The following LAMA2 variants were observed in gnomAD, a reference collection of about 807,000 sequenced individuals.
LAMA2 encodes the protein laminin subunit alpha-2.
LAMA2 carries 269 observed loss-of-function variants against 364.8 expected under a neutral mutation model. The observed-to-expected ratio is 0.74, with a 90% confidence interval of 0.67 to 0.82. The LOEUF is 0.82. Ranked by LOEUF, LAMA2 falls within the 40% of genes least tolerant of loss-of-function variation. The probability of loss-of-function intolerance (pLI) is 0.00; values close to 1 mark genes in which losing one functional copy is unlikely to be tolerated. For synonymous variants in LAMA2, 1,379 were observed against 1,370.6 expected (o/e 1.01, Z -0.14); for missense variants, 3,807 against 3,873.2 (o/e 0.98, Z 0.45).
chr6:128,921,645 C>T (rs1778720314), intron 1 of LAMA2, among the ~76,000 whole-genome samples: 1 of 150,310 alleles, frequency 6.7e-6, no homozygotes, highest in African/African-American at 2.4e-5. Context: ...ACCAACTAGG[C>T]TGACATTTTG....
intron 1 of LAMA2, among the ~76,000 whole-genome samples, chr6:128,935,144 A>G (rs1187498999): frequency 5.3e-5 from 8 of 152,108 alleles, no homozygotes; most frequent in African/African-American, 1.9e-4. Flanking sequence ...TACATGTGCC[A>G]TGTTGGTTTG....
rs370168820 is a variant in LAMA2 at position 129,267,061 on chromosome 6, T to A, written c.2209-45T>A. The A allele has an allele frequency of 3.2e-5, 39 of 1,231,892 alleles. No individual in the cohort carries two copies. The African/African-American group carries it at 5.6e-4, about 18-fold the overall frequency. 76.3% of individuals were successfully genotyped at this position (1,231,892 alleles called of 1,614,324 possible). A position where few individuals can be genotyped will look rare whatever the true frequency, so the allele number is the denominator to read the frequency against. ...AACACAAACAAACAAAAACACCTTT[T>A]TGTTTTAATCTCCAAGACTGACTAA... On this transcript the variant is annotated intron_variant, in intron 15 of 64. Coordinates refer to ENST00000421865, the MANE Select transcript of LAMA2 (RefSeq NM_000426.4).
intron 3 of LAMA2, among the ~76,000 whole-genome samples, chr6:129,080,689 A>T (rs1338494524): frequency 6.6e-6 from 1 of 152,114 alleles, no homozygotes; most frequent in Non-Finnish European, 1.5e-5. Context: ...AAAACCACAA[A>T]GAGATACCAT....
In LAMA2 at chr6:129,315,891, AGGCATAT is replaced by A; in HGVS notation, c.3869_3875del (p.His1290LeufsTer4). 6.2e-7 allele frequency: 1 copy of A among 1,614,152 alleles called. No individual in the cohort carries two copies. The highest frequency in any genetic ancestry group is 8.5e-7 in the Non-Finnish European group (1 of 1,180,026). On this transcript the variant is annotated frameshift_variant, in exon 26 of 65. Transcript: ENST00000421865. LOFTEE classifies it high-confidence loss of function. ...ACCTACTCATGCTAGAATTATCGTCAGGCATATGGCTGCTCCTCTGATTGGCCAATTG... is the reference window on the plus strand; with the variant it reads ...ACCTACTCATGCTAGAATTATCGTCAGGCTGCTCCTCTGATTGGCCAATTG...
At chr6:129,399,303 A>G (rs913598211) in intron 37 of LAMA2, among the ~76,000 whole-genome samples, 1 of 152,202 alleles carries the variant, frequency 6.6e-6, no homozygotes, top group Non-Finnish European at 1.5e-5. Context: ...GCAGTGTTCT[A>G]AGCTAATTCT....
intron 17 of LAMA2, among the ~76,000 whole-genome samples, chr6:129,272,956 C>A (rs1307222156): frequency 1.3e-5 from 2 of 152,082 alleles, no homozygotes; most frequent in Non-Finnish European, 2.9e-5. Flanking sequence ...GTACCTGGTG[C>A]CAAAAATTTT....
rs191399258 is a variant in LAMA2 at position 129,259,715 on chromosome 6, C to T, written c.2097-996C>T. Among the ~76,000 whole-genome samples, 86 of 152,050 alleles carry T rather than the reference C, an allele frequency of 5.7e-4. 1 individual carries two copies. The highest frequency in any genetic ancestry group is 2.0e-3 in the African/African-American group (84 of 41,516). ...CATATTATACCAAGAAGTTTATATT[C>T]ATTTCCTTTTAAATCAAGCTCATGG... On this transcript the variant is annotated intron_variant, in intron 14 of 64. Transcript: ENST00000421865.
chr6:129,262,061 C>T (rs1416518980), intron 15 of LAMA2, among the ~76,000 whole-genome samples: 3 of 152,060 alleles, frequency 2.0e-5, no homozygotes, highest in South Asian at 4.1e-4. Flanking sequence ...TTTCCACATA[C>T]TTTGTTCTCA....
chr6:129,449,757 T>C (rs1453350056), intron 45 of LAMA2, among the ~76,000 whole-genome samples: 8 of 151,942 alleles, frequency 5.3e-5, no homozygotes, highest in African/African-American at 1.9e-4. Context: ...CTTGGAGTTC[T>C]CAGAGCAGTT....
intron 12 of LAMA2, among the ~76,000 whole-genome samples, chr6:129,218,547 T>C (rs1783575861): frequency 6.6e-6 from 1 of 152,160 alleles, no homozygotes; most frequent in South Asian, 2.1e-4. Context: ...TAAGTTAAAA[T>C]AATCATTTTT....
At chr6:129,280,212 C>G in intron 18 of LAMA2, 65 bp downstream of exon 18, 1 of 1,014,578 alleles carries the variant, frequency 9.9e-7, no homozygotes, top group Admixed American at 1.7e-5. Flanking sequence ...ACCGCAGATA[C>G]AATCATCCTT....
chr6:129,167,389 C>T (rs1339339378), intron 9 of LAMA2, among the ~76,000 whole-genome samples: 2 of 148,440 alleles, frequency 1.3e-5, no homozygotes, highest in Non-Finnish European at 3.0e-5. Flanking sequence ...TCAATTCCCA[C>T]CTATGAGTGA....
intron 1 of LAMA2, among the ~76,000 whole-genome samples, chr6:128,978,366 T>C (rs1375274688): frequency 1.3e-5 from 2 of 151,406 alleles, no homozygotes; most frequent in African/African-American, 4.9e-5. Flanking sequence ...TTTTTTTTTT[T>C]TGAGAGCATG....
intron 10 of LAMA2, among the ~76,000 whole-genome samples, chr6:129,183,799 G>A (rs944034410): frequency 7.2e-5 from 11 of 151,840 alleles, no homozygotes; most frequent in Non-Finnish European, 1.6e-4. Context: ...CTCATAATGA[G>A]TAATTCTGTT....
At chr6:129,047,501 G>A (rs927325176) in intron 1 of LAMA2, among the ~76,000 whole-genome samples, 2 of 152,138 alleles carry the variant, frequency 1.3e-5, no homozygotes, top group African/African-American at 4.8e-5. Context: ...AAGGCAGGAG[G>A]CCAGATGAGA....
chr6:129,200,878 A>G (rs1039133500), intron 12 of LAMA2, among the ~76,000 whole-genome samples: 8 of 152,180 alleles, frequency 5.3e-5, no homozygotes, highest in Non-Finnish European at 7.3e-5. Context: ...TAGAGAAAAA[A>G]AATAAAATTT....
intron 1 of LAMA2, among the ~76,000 whole-genome samples, chr6:129,025,202 C>T (rs1009023403): frequency 6.6e-6 from 1 of 152,076 alleles, no homozygotes; most frequent in African/African-American, 2.4e-5. Context: ...ATCAAATGAA[C>T]TCTGTACTTC....
intron 1 of LAMA2, among the ~76,000 whole-genome samples, chr6:128,925,391 A>G (rs1214968199): frequency 6.6e-6 from 1 of 152,198 alleles, no homozygotes; most frequent in Non-Finnish European, 1.5e-5. Flanking sequence ...ACATTCTGCT[A>G]AGTGAAATAT....
intron 1 of LAMA2, among the ~76,000 whole-genome samples, chr6:128,958,444 C>G (rs553583871): frequency 1.1e-4 from 16 of 152,096 alleles, no homozygotes; most frequent in Non-Finnish European, 4.4e-5. Context: ...ATTACTCATA[C>G]AGTCGAAACC....
Sources: allele counts gnomAD v4.1 joint callset (sites outside exome capture counted in the v4.1 genomes callset), GRCh38; gene constraint gnomAD v4.1.1; transcripts MANE v1.5; gene names NCBI Gene and HGNC (gene_info 2026-07-23, HGNC 2026-07-21).